Variants in PTK2 observed in about 807,000 individuals in gnomAD.
The protein encoded by PTK2 is focal adhesion kinase 1.
PTK2 carries 45 observed loss-of-function variants against 150.1 expected under a neutral mutation model. The observed-to-expected ratio is 0.30, with a 90% confidence interval of 0.24 to 0.38. The LOEUF is 0.38. Ranked by LOEUF, PTK2 falls within the 10% of genes least tolerant of loss-of-function variation. PTK2 has a pLI of 1.00. For missense variants in PTK2, 919 were observed against 1,307.3 expected (o/e 0.70, Z 4.58); for synonymous variants, 432 against 449.2 (o/e 0.96, Z 0.48).
intron 27 of PTK2, among the ~76,000 whole-genome samples, chr8:140,676,554 T>A (rs1271651080): frequency 6.9e-6 from 1 of 144,194 alleles, no homozygotes; most frequent in African/African-American, 2.6e-5. Flanking sequence ...CGTATACACA[T>A]ACGTAAGAAT....
At chr8:140,758,816 T>C (rs1454227916) in intron 16 of PTK2, among the ~76,000 whole-genome samples, 1 of 152,202 alleles carries the variant, frequency 6.6e-6, no homozygotes, top group Non-Finnish European at 1.5e-5. Context: ...GCCTTCACAT[T>C]TACTCACCCA....
chr8:140,943,915 T>C (rs912934413), intron 1 of PTK2, among the ~76,000 whole-genome samples: 5 of 152,240 alleles, frequency 3.3e-5, no homozygotes, highest in East Asian at 1.9e-4. Flanking sequence ...CACTTTTTCA[T>C]TGAAATTTTT....
intron 4 of PTK2, among the ~76,000 whole-genome samples, chr8:140,864,626 T>C (rs1412399399): frequency 6.6e-6 from 1 of 152,230 alleles, no homozygotes; most frequent in Non-Finnish European, 1.5e-5. Flanking sequence ...AAACAGAGCA[T>C]AGTAAGAGGC....
At chr8:140,789,631 T>C in intron 13 of PTK2, 105 bp from the exon 14 acceptor site, 1 of 985,810 alleles carries the variant, frequency 1.0e-6, no homozygotes, top group Non-Finnish European at 1.5e-6. Flanking sequence ...GACAAAATTT[T>C]AGATACGTGA....
intron 10 of PTK2, among the ~76,000 whole-genome samples, chr8:140,807,125 T>C (rs1459502789): frequency 6.6e-6 from 1 of 152,246 alleles, no homozygotes; most frequent in Non-Finnish European, 1.5e-5. Context: ...TATTAGGTGC[T>C]AGACTGTGTT....
intron 5 of PTK2, among the ~76,000 whole-genome samples, chr8:140,847,491 G>A (rs553725375): frequency 1.3e-5 from 2 of 152,276 alleles, no homozygotes; most frequent in East Asian, 3.9e-4. Flanking sequence ...AGATTAGCCT[G>A]AAAAGATTAA....
chr8:140,973,109 T>C (rs75053763), intron 1 of PTK2, among the ~76,000 whole-genome samples: 1,602 of 152,336 alleles, frequency 0.011, 31 homozygotes, highest in East Asian at 0.094. Flanking sequence ...CTAGGAGCAA[T>C]AATAATTTCT....
intron 10 of PTK2, among the ~76,000 whole-genome samples, 161 bp from the exon 11 acceptor site, chr8:140,803,811 C>T (rs1043728205): frequency 2.6e-5 from 4 of 152,168 alleles, no homozygotes; most frequent in African/African-American, 9.7e-5. Flanking sequence ...AGGGGAGCAG[C>T]CATGAGACTG....
At chr8:140,865,465 C>T (rs2100138756) in intron 4 of PTK2, among the ~76,000 whole-genome samples, 1 of 152,160 alleles carries the variant, frequency 6.6e-6, no homozygotes, top group African/African-American at 2.4e-5. Flanking sequence ...AGATTTGAGG[C>T]CTTTGTTAGA....
At chr8:140,927,975 A>AAAAAAAAAAAATATATAT in intron 1 of PTK2, among the ~76,000 whole-genome samples, 1 of 48,196 alleles carries the variant, frequency 2.1e-5, no homozygotes, top group Non-Finnish European at 3.4e-5. Context: ...AAAAAAAAAA[A>AAAAAAAAAAAATATATAT]ATATATATAT....
At chr8:140,691,877 C>A (rs896503206) in intron 26 of PTK2, among the ~76,000 whole-genome samples, 1 of 152,154 alleles carries the variant, frequency 6.6e-6, no homozygotes, top group Non-Finnish European at 1.5e-5. Context: ...AGACGAGGAA[C>A]TTGACTTAGA....
intron 4 of PTK2, among the ~76,000 whole-genome samples, chr8:140,878,890 A>T (rs1455311847): frequency 6.6e-6 from 1 of 151,932 alleles, no homozygotes; most frequent in African/African-American, 2.4e-5. Flanking sequence ...AAAAAGAACA[A>T]TTATAGGGAA....
chr8:140,730,906 A>C (rs1308741926), intron 22 of PTK2, among the ~76,000 whole-genome samples: 1 of 151,240 alleles, frequency 6.6e-6, no homozygotes, highest in East Asian at 1.9e-4. Context: ...TTTCCCTGTC[A>C]TAGTACCTAA....
rs1554641612 is a variant in PTK2, at chr8:140,669,301, G to GTGTATA, written c.2710-878_2710-877insTATACA. ...GTTAGAATTACACCAGCATAAAATG[G>GTGTATA]TATATATATATATATATATATATAT... On this transcript the variant is annotated intron_variant, in intron 29 of 31. Transcript: ENST00000522684. The GTGTATA allele has an allele frequency of 6.9e-4, 68 of 97,984 alleles. 2 individuals are homozygous for GTGTATA. The highest frequency in any genetic ancestry group is 3.1e-3 in the African/African-American group (66 of 21,494). 6.1% of individuals were successfully genotyped at this position (97,984 alleles called of 1,614,324 possible).
At position 140,767,819 on chromosome 8, in the gene PTK2, C is replaced by T. The variant is rs572780050; in HGVS notation, c.1178-3529G>A. ...ATTTGGCTGTATTTTGCTTTTCTTT[C>T]CTGGTTTTTAGGATTGTTAAGATAG... On this transcript the variant is annotated intron_variant, in intron 14 of 31. Transcript: ENST00000522684. Among the ~76,000 whole-genome samples, 178 of 152,186 alleles carry T rather than the reference C, an allele frequency of 1.2e-3. 2 individuals are homozygous for T. The highest frequency in any genetic ancestry group is 4.1e-3 in the African/African-American group (170 of 41,524).
chr8:140,680,072 C>T (rs1361959513), intron 27 of PTK2, among the ~76,000 whole-genome samples: 3 of 152,136 alleles, frequency 2.0e-5, no homozygotes, highest in African/African-American at 2.4e-5. Flanking sequence ...ATGTGGATGA[C>T]GACAGTACCC....
chr8:140,845,770 C>T (rs1455082365), intron 7 of PTK2, among the ~76,000 whole-genome samples: 4 of 152,138 alleles, frequency 2.6e-5, no homozygotes, highest in Non-Finnish European at 5.9e-5. Flanking sequence ...TAGCCTCCCA[C>T]GACATAAACT....
At chr8:140,820,161 G>A (rs916010118) in intron 8 of PTK2, among the ~76,000 whole-genome samples, 6 of 129,780 alleles carry the variant, frequency 4.6e-5, no homozygotes, top group Admixed American at 9.0e-5. Flanking sequence ...GTGCGGTGGC[G>A]CAACCTCGGC....
chr8:140,723,262 G>C (rs1217747894), intron 22 of PTK2, among the ~76,000 whole-genome samples: 1 of 152,140 alleles, frequency 6.6e-6, no homozygotes, highest in Admixed American at 6.6e-5. Flanking sequence ...GCATATTATA[G>C]ACACTTTGAT....
Sources: gnomAD v4.1 joint callset for allele counts (sites outside exome capture counted in the v4.1 genomes callset) on GRCh38, gnomAD v4.1.1 for gene constraint, MANE v1.5 for transcripts, NCBI Gene and HGNC (gene_info 2026-07-23, HGNC 2026-07-21) for gene names.